CFL1: variants seen among roughly 807,000 people sequenced by gnomAD.
The protein encoded by CFL1 is cofilin 1, also known as cofilin-1.
CFL1 carries 2 observed loss-of-function variants against 16.3 expected under a neutral mutation model. The ratio of observed to expected loss-of-function variants is 0.12; its 90% CI spans 0.05 to 0.39. The LOEUF (loss-of-function observed/expected upper bound fraction) is 0.39. Ranked by LOEUF, CFL1 falls within the 10% of genes least tolerant of loss-of-function variation. The pLI, the probability that CFL1 is intolerant of heterozygous loss-of-function variation, is 0.99. For missense variants in CFL1, 75 were observed against 212.2 expected, an observed-to-expected ratio of 0.35 and a Z score of 4.02; for synonymous variants, 111 against 84.4, an observed-to-expected ratio of 1.31 and a Z score of -1.73.
intron 2 of CFL1, 75 bp downstream of exon 2, chr11:65,855,860 T>A (rs1431706735): frequency 6.4e-7 from 1 of 1,550,400 alleles, no homozygotes; most frequent in Non-Finnish European, 8.8e-7. Context: ...CACATCTGGG[T>A]TGACCAGGAG....
rs375075100 is a variant in CFL1, at chr11:65,854,824, CTT to C, written c.*510_*511del. The C allele has an allele frequency of 0.019, 2,767 of 146,698 alleles. 83 individuals are homozygous for C. The highest frequency in any genetic ancestry group is 0.063 in the African/African-American group (2,524 of 39,764). 9.1% of individuals were successfully genotyped at this position (146,698 alleles called of 1,614,324 possible). The stretch of plus-strand genomic sequence containing the variant: ...CATTAATGAGCCTTTTTATTATTGT[CTT>C]TTTTTTTTTTAATCGAAGGTCCCTT... On this transcript the variant is annotated 3_prime_UTR_variant, in exon 4 of 4. Transcript: ENST00000308162.
rs925395459 is a variant in CFL1, at chr11:65,855,268, G to A, written c.*68C>T. The A allele has an allele frequency of 1.5e-6, 2 of 1,350,870 alleles. No individual in the cohort carries two copies. Among genetic ancestry groups the A allele is most frequent in the Non-Finnish European group, 1.1e-6 (1 of 946,002 alleles). The allele number at this position is 1,350,870 out of a possible 1,614,324, so 83.7% of individuals were successfully genotyped here. ...AGCCCCTCCGGTCTGGCAGGAAGGG[G>A]GCAGCCTGCAACCCCCAAGGGCAGG... is the stretch of plus-strand genomic sequence containing the variant. On this transcript the variant is annotated 3_prime_UTR_variant, in exon 4 of 4. Coordinates refer to ENST00000308162, the MANE Select transcript of CFL1 (RefSeq NM_005507.3).
At chr11:65,856,399 G>A (rs1402807706) in intron 1 of CFL1, 157 bp from the exon 2 acceptor site, 4 of 657,188 alleles carry the variant, frequency 6.1e-6, no homozygotes, top group Middle Eastern at 2.5e-4. Flanking sequence ...AGAACCAGAT[G>A]GGACACAACC....
intron 1 of CFL1, chr11:65,857,414 C>A (rs771702676): frequency 4.6e-6 from 2 of 436,662 alleles, no homozygotes; most frequent in South Asian, 3.2e-5. Context: ...GCCGTTCCAG[C>A]CCTCGCCCGA....
In CFL1 at chr11:65,858,170, C is replaced by T. The variant is rs1859424404; in HGVS notation, c.-71G>A. The T allele has an allele frequency of 1.3e-6, 2 of 1,484,906 alleles. No homozygotes were observed. Among genetic ancestry groups the T allele is most frequent in the Non-Finnish European group, 1.8e-6 (2 of 1,109,222 alleles). The allele number at this position is 1,484,906 out of a possible 1,614,324, so 92.0% of individuals were successfully genotyped here. On this transcript the variant is annotated 5_prime_UTR_variant, in exon 1 of 4. Coordinates refer to ENST00000308162, the MANE Select transcript of CFL1 (RefSeq NM_005507.3). The stretch of plus-strand genomic sequence containing the variant: ...GAGAGCGCTGCAGCCGCTGCCGGGA[C>T]CCGACTGAACGCGGCCTCTCCCGGC...
intron 1 of CFL1, 49 bp downstream of exon 1, chr11:65,858,048 G>A (rs1473298695): frequency 5.9e-6 from 9 of 1,519,942 alleles, no homozygotes; most frequent in South Asian, 1.2e-5. Context: ...CCGCGCGCAG[G>A]CGACCGACCC....
At chr11:65,855,865 C>A in intron 2 of CFL1, 70 bp downstream of exon 2, 1 of 1,553,734 alleles carries the variant, frequency 6.4e-7, no homozygotes, top group Non-Finnish European at 8.8e-7. Flanking sequence ...CTGGGTTGAC[C>A]AGGAGCCACA....
At chr11:65,858,056 C>G in intron 1 of CFL1, 41 bp downstream of exon 1, 1 of 1,525,122 alleles carries the variant, frequency 6.6e-7, no homozygotes, top group Non-Finnish European at 8.8e-7. Flanking sequence ...AGGCGACCGA[C>G]CCGCAGCCGC....
At chr11:65,857,430 G>A (rs1322581319) in intron 1 of CFL1, 4 of 435,700 alleles carry the variant, frequency 9.2e-6, no homozygotes, top group African/African-American at 6.2e-5. Flanking sequence ...CCCGATGCAC[G>A]GGTGAGAACG....
intron 1 of CFL1, 136 bp from the exon 2 acceptor site, chr11:65,856,378 G>A (rs1859385767): frequency 1.2e-6 from 1 of 801,740 alleles, no homozygotes; most frequent in South Asian, 1.8e-5. Context: ...TCCCACCCAA[G>A]TCACTGTCAA....
At chr11:65,856,422 C>T in intron 1 of CFL1, 180 bp from the exon 2 acceptor site, 1 of 603,820 alleles carries the variant, frequency 1.7e-6, no homozygotes. Context: ...AGAATGGCAG[C>T]CATGGCCTCT....
chr11:65,855,553 G>A, intron 3 of CFL1, 101 bp downstream of exon 3: 3 of 1,551,524 alleles, frequency 1.9e-6, no homozygotes, highest in African/African-American at 2.7e-5. Flanking sequence ...GAACAAGCAG[G>A]CAGCGAAGAC....
At position 65,855,731 on chromosome 11, in the gene CFL1, C is replaced by A; in HGVS notation, c.312-1G>T. The A allele has an allele frequency of 6.5e-7, 1 of 1,541,184 alleles. No homozygotes were observed. Among genetic ancestry groups the A allele is most frequent in the Non-Finnish European group, 8.7e-7 (1 of 1,145,982 alleles). On this transcript the variant is annotated splice_acceptor_variant, in intron 2 of 3. Coordinates refer to ENST00000308162, the MANE Select transcript of CFL1 (RefSeq NM_005507.3). LOFTEE classifies it high-confidence loss of function. ...CTTAAGGGGCGCAGACTCGGGGGCC[C>A]TGGACAGAAACACGCGTCAGGCAAC...
rs575636138 is a variant in CFL1 at position 65,855,834 on chromosome 11, T to TC, written c.311+100dup. 4.4e-5 allele frequency: 66 copies of TC among 1,488,680 alleles called. No individual in the cohort carries two copies. The East Asian group carries it at 6.8e-4, about 15-fold the overall frequency. The allele number at this position is 1,488,680 out of a possible 1,614,324, so 92.2% of individuals were successfully genotyped here. On this transcript the variant is annotated intron_variant, in intron 2 of 3. Coordinates refer to ENST00000308162, the MANE Select transcript of CFL1 (RefSeq NM_005507.3). ...TGAGGAGTCTTTTGTTACAACCCCC[T>TC]CCCCCTCCAAACCCACACATCTGGG...
chr11:65,857,845 CGGTGTCCGCGCGGGCGCACCAGCGGGT>C (rs1859416707), intron 1 of CFL1: 3 of 287,536 alleles, frequency 1.0e-5, no homozygotes, highest in Non-Finnish European at 1.9e-5. Context: ...CCCCCGCGGC[CGGTGTCCGCGCGGGCGCACCAGCGGGT>C]GGGGGAGGGG....
intron 1 of CFL1, chr11:65,857,272 C>A: frequency 3.6e-6 from 1 of 281,178 alleles, no homozygotes; most frequent in South Asian, 2.4e-5. Context: ...GGTTTCCGGG[C>A]GGTGCCCGCC....
Position 65,858,152 on chromosome 11 carries a change from C to G in CFL1, c.-53G>C. 1 of 1,512,780 alleles carries G rather than the reference C, an allele frequency of 6.6e-7. No homozygotes were observed. Among genetic ancestry groups the G allele is most frequent in the East Asian group, 2.8e-5 (1 of 36,312 alleles). 93.7% of individuals were successfully genotyped at this position (1,512,780 alleles called of 1,614,324 possible). On this transcript the variant is annotated 5_prime_UTR_variant, in exon 1 of 4. Coordinates refer to ENST00000308162, the MANE Select transcript of CFL1 (RefSeq NM_005507.3). ...CCGAGAGCCGCAGAAGACGAGAGCG[C>G]TGCAGCCGCTGCCGGGACCCGACTG...
At chr11:65,856,350 A>G in intron 1 of CFL1, 108 bp from the exon 2 acceptor site, 4 of 1,071,944 alleles carry the variant, frequency 3.7e-6, no homozygotes, top group Non-Finnish European at 5.4e-6. Context: ...TGCCCTTCCC[A>G]AGGCAAGTCA....
chr11:65,857,879 G>A (rs1859417552), intron 1 of CFL1: 2 of 344,826 alleles, frequency 5.8e-6, no homozygotes, highest in Admixed American at 9.8e-5. Flanking sequence ...GGGTGGGGGA[G>A]GGGAGCCCAG....
Sources: gnomAD v4.1 joint callset for allele counts on GRCh38, gnomAD v4.1.1 for gene constraint, MANE v1.5 for transcripts, NCBI Gene and HGNC (gene_info 2026-07-23, HGNC 2026-07-21) for gene names.